INF2: variants seen among roughly 807,000 people sequenced by gnomAD.
The protein encoded by INF2 is inverted formin-2.
A neutral mutation model predicts 123.5 loss-of-function variants in INF2; 43 were observed. That is an observed-to-expected ratio of 0.35 (90% confidence interval 0.27 to 0.45). INF2 has a LOEUF of 0.45. Ranked by LOEUF, INF2 falls within the 20% of genes least tolerant of loss-of-function variation. INF2 has a pLI of 1.00. For synonymous variants in INF2, 851 were observed against 745.0 expected, an observed-to-expected ratio of 1.14 and a Z score of -2.32; for missense variants, 1,453 against 1,682.7, an observed-to-expected ratio of 0.86 and a Z score of 2.39.
chr14:104,696,417 C>T (rs1404024584), intron 1 of INF2, among the ~76,000 whole-genome samples: 2 of 152,222 alleles, frequency 1.3e-5, no homozygotes, highest in Non-Finnish European at 2.9e-5. Flanking sequence ...GGGTGGACCC[C>T]CATCCTCACC....
chr14:104,714,879 G>C, intron 21 of INF2, 23 bp downstream of exon 21: 1 of 1,518,872 alleles, frequency 6.6e-7, no homozygotes. Flanking sequence ...GGGGCCCCGG[G>C]CACCGTCCCA....
rs1240962924 is a variant in INF2 at position 104,701,643 on chromosome 14, C to G, written c.278C>G (p.Ser93Cys). ...RLSGRGVARI[S>C]DALLQLTCVS... ...TCGGGCCGCGGCGTTGCACGTATCT[C>G]CGACGCCCTGCTGCAGCTCACCTGC... The change falls in exon 2 of 23, where the codon TCC (serine) becomes TGC (cysteine). Residue 93 changes from serine to cysteine, a missense_variant. Physicochemically the swap from Ser to Cys is moderately radical, Grantham distance 112. Transcript: ENST00000392634. The G allele has an allele frequency of 6.3e-7, 1 of 1,598,366 alleles. No individual in the cohort carries two copies. The highest frequency in any genetic ancestry group is 1.7e-5 in the Admixed American group (1 of 59,324).
In INF2 at chr14:104,706,069, G is replaced by C. The variant is rs753484833; in HGVS notation, c.736G>C (p.Glu246Gln). 1.2e-6 allele frequency: 2 copies of C among 1,612,608 alleles called. No individual in the cohort carries two copies. The highest frequency in any genetic ancestry group is 3.3e-5 in the Admixed American group (2 of 60,012). The change falls in exon 6 of 23, where the codon GAG (glutamate) becomes CAG (glutamine). Residue 246 changes from glutamate to glutamine, a missense_variant. Coordinates refer to ENST00000392634, the MANE Select transcript of INF2 (RefSeq NM_022489.4). ...LEDADLLIQL[E>Q]AFEEAKAEDE... ...GGATGCCGACCTGCTGATCCAGCTG[G>C]AGGCTTTCGAGGAGGCTAAGGCCGA...
rs1890533952 is a variant in INF2 at position 104,721,023 on chromosome 14, T to A, written c.*2230T>A. ...TCCTGTGGATGCTGCTGTGGACGTC[T>A]GCGTCGTCCTCGTGTGGATGCTGCT... On this transcript the variant is annotated 3_prime_UTR_variant, in exon 23 of 23. Coordinates refer to ENST00000392634, the MANE Select transcript of INF2 (RefSeq NM_022489.4). The A allele has an allele frequency of 1.7e-5, 1 of 59,574 alleles. No individual in the cohort carries two copies. The highest frequency in any genetic ancestry group is 3.0e-5 in the Non-Finnish European group (1 of 33,440). The allele number at this position is 59,574 out of a possible 1,614,324, so 3.7% of individuals were successfully genotyped here.
In INF2 at chr14:104,713,206, G is replaced by A; in HGVS notation, c.2776-1G>A. Reference sequence around the variant, plus strand: ...TGACGGGGCCACATCTGCCAGTGCAGGAGAACAAGGACCGGAAGGAGCAGG... The same window carrying A: ...TGACGGGGCCACATCTGCCAGTGCAAGAGAACAAGGACCGGAAGGAGCAGG... On this transcript the variant is annotated splice_acceptor_variant, in intron 18 of 22. Coordinates refer to ENST00000392634, the MANE Select transcript of INF2 (RefSeq NM_022489.4). LOFTEE classifies it high-confidence loss of function. 1 of 1,557,700 alleles carries A rather than the reference G, an allele frequency of 6.4e-7. No homozygotes were observed. The highest frequency in any genetic ancestry group is 8.7e-7 in the Non-Finnish European group (1 of 1,151,702).
Position 104,714,720 on chromosome 14 carries a change from C to G in INF2, c.3558C>G (p.Asp1186Glu). ...EEDTAPESAL[D>E]TSLDKSFSED... ...ACACGGCCCCAGAGTCCGCACTGGA[C>G]ACATCCCTGGACAAGTCCTTCTCCG... is the stretch of plus-strand genomic sequence containing the variant. Residue 1186 changes from aspartate to glutamate, a missense_variant, in exon 21 of 23, where the codon GAC (aspartate) becomes GAG (glutamate). Physicochemically the swap from Asp to Glu is conservative, Grantham distance 45 (BLOSUM62 2). Around this residue, in one of 8 missense-constraint regions of INF2, gnomAD observed 344 missense variants for 333.1 expected, o/e 1.03. Transcript: ENST00000392634. 1 of 1,607,970 alleles carries G rather than the reference C, an allele frequency of 6.2e-7. No individual in the cohort carries two copies. Among genetic ancestry groups the G allele is most frequent in the East Asian group, 2.2e-5 (1 of 44,802 alleles).
exon 1 of INF2, chr14:104,681,525 C>T (rs1336157519): frequency 7.8e-7 from 1 of 1,285,898 alleles, no homozygotes. Context: ...TCTCAGCAAA[C>T]TCCACGTCTT....
intron 15 of INF2, among the ~76,000 whole-genome samples, chr14:104,711,423 G>T (rs1325327942): frequency 6.6e-6 from 1 of 152,144 alleles, no homozygotes; most frequent in Non-Finnish European, 1.5e-5. Flanking sequence ...CAGGATACCT[G>T]TCCCTGATCT....
chr14:104,711,264 A>G (rs1027003059), intron 15 of INF2, 78 bp downstream of exon 15: 60 of 1,229,870 alleles, frequency 4.9e-5, no homozygotes, highest in Non-Finnish European at 6.1e-5. Flanking sequence ...TAGAGGCCAT[A>G]CCCCCATGCC....
chr14:104,700,252 C>A (rs1314475102), intron 1 of INF2, among the ~76,000 whole-genome samples: 1 of 152,172 alleles, frequency 6.6e-6, no homozygotes, highest in African/African-American at 2.4e-5. Flanking sequence ...ACTGTGGGCA[C>A]AGACCCAGCT....
chr14:104,712,136 G>A (rs548849112), intron 16 of INF2, among the ~76,000 whole-genome samples: 51 of 152,212 alleles, frequency 3.4e-4, no homozygotes, highest in Non-Finnish European at 6.8e-4. Context: ...CCCCTAGCAC[G>A]GAGTTCTTCC....
intron 22 of INF2, chr14:104,715,797 G>A (rs1890271320): frequency 2.1e-6 from 1 of 468,906 alleles, no homozygotes; most frequent in Admixed American, 2.3e-5. Flanking sequence ...CTCTAAGTGT[G>A]TCAATGGCGT....
At chr14:104,689,322 G>C (rs1220234830), upstream of INF2, 2 of 913,372 alleles carry the variant, frequency 2.2e-6, no homozygotes, top group Non-Finnish European at 2.6e-6. Context: ...GGGCAGGGAC[G>C]GGGCGGACAG....
At chr14:104,696,366 C>T (rs1208965514) in intron 1 of INF2, among the ~76,000 whole-genome samples, 4 of 152,230 alleles carry the variant, frequency 2.6e-5, no homozygotes, top group African/African-American at 9.6e-5. Flanking sequence ...CCAGCCCTCA[C>T]CAAGGCCCAG....
rs771758344 is a variant in INF2 at position 104,681,509 on chromosome 14, G to A, written c.-177G>A. On this transcript the variant is annotated 5_prime_UTR_variant, in exon 1 of 3. Transcript: ENST00000674723. ...TAGTTACCGGCACACGGGCACCAGC[G>A]CCCCCTCTCAGCAAACTCCACGTCT... 8.8e-6 allele frequency: 11 copies of A among 1,244,354 alleles called. No homozygotes were observed. The East Asian group carries it at 2.2e-4, about 25-fold the overall frequency. 77.1% of individuals were successfully genotyped at this position (1,244,354 alleles called of 1,614,324 possible).
intron 16 of INF2, among the ~76,000 whole-genome samples, 199 bp downstream of exon 16, chr14:104,711,898 C>T (rs1019699083): frequency 1.3e-5 from 2 of 152,192 alleles, no homozygotes; most frequent in Non-Finnish European, 2.9e-5. Flanking sequence ...CTGACTTAAG[C>T]GAGGAAACAG....
chr14:104,693,269 G>A (rs1280470426), intron 1 of INF2, among the ~76,000 whole-genome samples: 1 of 152,210 alleles, frequency 6.6e-6, no homozygotes, highest in African/African-American at 2.4e-5. Context: ...GGAGAGGTGG[G>A]GTGGGGGAGA....
At position 104,710,201 on chromosome 14, in the gene INF2, A is replaced by G; in HGVS notation, c.2239+13A>G. 1 of 1,537,496 alleles carries G rather than the reference A, an allele frequency of 6.5e-7. No homozygotes were observed. Among genetic ancestry groups the G allele is most frequent in the South Asian group, 1.2e-5 (1 of 83,818 alleles). On this transcript the variant is annotated intron_variant, in intron 13 of 22. Transcript: ENST00000392634. ...GCTGCCTGCGAAAGTGAGTGGGGCC[A>G]AGCGGGGCACGTGTGCAGGAGGGAC... is the stretch of plus-strand genomic sequence containing the variant.
intron 6 of INF2, 75 bp downstream of exon 6, chr14:104,706,251 G>A (rs1889776046): frequency 7.0e-7 from 1 of 1,433,374 alleles, no homozygotes; most frequent in Non-Finnish European, 9.5e-7. Flanking sequence ...GGCTGGGCCT[G>A]GAACGGTCCT....
Sources: gnomAD v4.1 joint callset for allele counts (sites outside exome capture counted in the v4.1 genomes callset) on GRCh38, gnomAD v4.1.1 for gene constraint, gnomAD v4.1.1 regional missense constraint, MANE v1.5 for transcripts, NCBI Gene and HGNC (gene_info 2026-07-23, HGNC 2026-07-21) for gene names.